DOCK9: variants seen among roughly 807,000 people sequenced by gnomAD.
DOCK9 encodes dedicator of cytokinesis 9.
A neutral mutation model predicts 263.3 loss-of-function variants in DOCK9; 89 were observed. The ratio of observed to expected loss-of-function variants is 0.34; its 90% confidence interval spans 0.28 to 0.40. The LOEUF (loss-of-function observed/expected upper bound fraction) is 0.40, where lower values mean the gene tolerates loss of function less well. Among genes scored for constraint, DOCK9 ranks in the 10% least tolerant of loss-of-function variants. The pLI, the probability that DOCK9 is intolerant of heterozygous loss-of-function variation, is 1.00. For missense variants in DOCK9, 2,140 were observed against 2,603.4 expected (o/e 0.82, Z 3.87); for synonymous variants, 976 against 973.1 (o/e 1.00, Z -0.06).
chr13:98,994,404 C>G (rs1880521687), intron 1 of DOCK9, among the ~76,000 whole-genome samples: 1 of 152,190 alleles, frequency 6.6e-6, no homozygotes. Flanking sequence ...CTGGGTAGGG[C>G]CAAGGATGCT....
At chr13:98,828,618 T>C (rs1594417466) in intron 43 of DOCK9, among the ~76,000 whole-genome samples, 2 of 152,368 alleles carry the variant, frequency 1.3e-5, no homozygotes. Context: ...ATTGTAATAA[T>C]GTTGATCATA....
At chr13:99,020,012 G>T (rs1595921554) in intron 1 of DOCK9, among the ~76,000 whole-genome samples, 1 of 152,190 alleles carries the variant, frequency 6.6e-6, no homozygotes, top group African/African-American at 2.4e-5. Flanking sequence ...TGATGCAGGA[G>T]AATCACTTGA....
intron 49 of DOCK9, 35 bp downstream of exon 49, chr13:98,804,964 C>G (rs114172970): frequency 6.4e-7 from 1 of 1,561,750 alleles, no homozygotes; most frequent in East Asian, 2.4e-5. Context: ...GCGAGGTGTC[C>G]GGGCTCGTGT....
intron 2 of DOCK9, among the ~76,000 whole-genome samples, chr13:98,951,533 T>C (rs2057407311): frequency 6.6e-6 from 1 of 152,214 alleles, no homozygotes; most frequent in Non-Finnish European, 1.5e-5. Context: ...CGGGGCGGGA[T>C]GCCTGCGTGC....
At chr13:99,059,864 A>G (rs1379183699) in intron 1 of DOCK9, among the ~76,000 whole-genome samples, 2 of 152,012 alleles carry the variant, frequency 1.3e-5, no homozygotes, top group Non-Finnish European at 1.5e-5. Flanking sequence ...TTCTGTCTCT[A>G]TGCTATTCTG....
intron 38 of DOCK9, among the ~76,000 whole-genome samples, chr13:98,843,055 A>G (rs2093276582): frequency 6.6e-6 from 1 of 152,202 alleles, no homozygotes. Flanking sequence ...TCCGTTTCCC[A>G]TGGGCCTCTG....
At chr13:98,991,232 C>G (rs1225467428) in intron 1 of DOCK9, among the ~76,000 whole-genome samples, 1 of 152,054 alleles carries the variant, frequency 6.6e-6, no homozygotes, top group East Asian at 1.9e-4. Context: ...CCACCATGCC[C>G]GGCTGATTTT....
Position 98,885,042 on chromosome 13 carries a change from C to T in DOCK9, c.2311G>A (p.Glu771Lys), listed in dbSNP as rs377659767. Residue 771 changes from glutamate (E) to lysine (K), a missense_variant, in exon 21 of 53, where the codon GAG becomes AAG. This residue lies in a region of DOCK9 where 1,521 missense variants were observed against 1,741.7 expected (regional missense o/e 0.87). Coordinates refer to ENST00000682017, the MANE Select transcript of DOCK9 (RefSeq NM_001366683.2). ...TTCGCCGAGACCGGGATGTGCTGCT[C>T]GCTTGTCACCACCCTTCCGTCTTTC... ...LLKDGRVVTS[E>K]QHIPVSANLP... 4 of 1,613,624 alleles carry T rather than the reference C, an allele frequency of 2.5e-6. No individual in the cohort carries two copies. The highest frequency in any genetic ancestry group is 4.5e-5 in the East Asian group (2 of 44,866).
At chr13:98,803,212 G>A (rs770817664) in intron 49 of DOCK9, among the ~76,000 whole-genome samples, 5 of 152,154 alleles carry the variant, frequency 3.3e-5, no homozygotes, top group African/African-American at 1.2e-4. Context: ...CCTTGTTCCC[G>A]CAGATACAGA....
At chr13:98,914,168 T>C (rs1194521661) in intron 9 of DOCK9, among the ~76,000 whole-genome samples, 160 bp downstream of exon 9, 7 of 152,228 alleles carry the variant, frequency 4.6e-5, no homozygotes, top group Admixed American at 4.6e-4. Context: ...GAAATCATAC[T>C]GCATGAGTAC....
chr13:98,880,133 G>C (rs2044502866), intron 26 of DOCK9, among the ~76,000 whole-genome samples, 164 bp from the exon 27 acceptor site: 1 of 152,002 alleles, frequency 6.6e-6, no homozygotes, highest in Non-Finnish European at 1.5e-5. Context: ...AATGGCAGAT[G>C]TCTTCTGCTT....
intron 37 of DOCK9, 93 bp downstream of exon 37, chr13:98,848,499 C>T: frequency 7.3e-7 from 1 of 1,377,252 alleles, no homozygotes; most frequent in African/African-American, 1.4e-5. Context: ...CCATGAACCC[C>T]AACTGCCAAC....
intron 2 of DOCK9, among the ~76,000 whole-genome samples, chr13:98,945,968 A>T (rs1352806985): frequency 2.0e-5 from 3 of 152,150 alleles, no homozygotes; most frequent in African/African-American, 7.2e-5. Flanking sequence ...GATTTGGAAA[A>T]AGGTTTGCAG....
chr13:98,809,175 AAAG>A, intron 47 of DOCK9, 174 bp downstream of exon 47: 1 of 1,453,008 alleles, frequency 6.9e-7, no homozygotes, highest in Non-Finnish European at 9.4e-7. Context: ...AAAAAAGCAG[AAAG>A]TTTACTACTG....
chr13:98,958,477 C>A (rs1857301731), intron 1 of DOCK9, among the ~76,000 whole-genome samples: 2 of 152,240 alleles, frequency 1.3e-5, no homozygotes, highest in African/African-American at 4.8e-5. Flanking sequence ...ATTCTTAGAG[C>A]AGGAGTCGAC....
chr13:98,992,644 T>C (rs1435613094), intron 1 of DOCK9, among the ~76,000 whole-genome samples: 1 of 152,194 alleles, frequency 6.6e-6, no homozygotes, highest in African/African-American at 2.4e-5. Context: ...CACACCCCAC[T>C]TGCCTGCCGC....
rs2041412541 is a variant in DOCK9, at chr13:99,066,283, C to G, written c.129+19940G>C. On this transcript the variant is annotated intron_variant, in intron 1 of 32. Coordinates refer to the DOCK9 transcript ENST00000427887. ...AGCCCCCAAGCTAAGTATTCAGCAT[C>G]TTTTACAATCACTAAAACCCAAGGA... Among the ~76,000 whole-genome samples the G allele has an allele frequency of 2.0e-5, 3 of 152,276 alleles. No homozygotes were observed. In the South Asian group the frequency reaches 6.2e-4, roughly 32 times the overall value.
intron 15 of DOCK9, among the ~76,000 whole-genome samples, chr13:98,891,258 CAG>C (rs1379594197): frequency 6.6e-6 from 1 of 152,140 alleles, no homozygotes; most frequent in Non-Finnish European, 1.5e-5. Context: ...AACCTTCAGA[CAG>C]GGGGTTTTAT....
At chr13:98,812,463 C>T (rs1782437044) in intron 45 of DOCK9, among the ~76,000 whole-genome samples, 1 of 151,034 alleles carries the variant, frequency 6.6e-6, no homozygotes, top group Admixed American at 6.6e-5. Context: ...CTAAATTTGG[C>T]TGAGAATTCA....
Sources: allele counts gnomAD v4.1 joint callset (sites outside exome capture counted in the v4.1 genomes callset), GRCh38; gene constraint gnomAD v4.1.1; regional missense constraint gnomAD v4.1.1; transcripts MANE v1.5; gene names NCBI Gene and HGNC (gene_info 2026-07-23, HGNC 2026-07-21).